The following MEIS3 variants were observed in gnomAD, a reference collection of about 807,000 sequenced individuals.
MEIS3 encodes homeobox protein Meis3.
In MEIS3, 38 loss-of-function variants were observed where a neutral mutation model predicts 51.4. The ratio of observed to expected loss-of-function variants is 0.74; its 90% CI spans 0.57 to 0.97. The LOEUF (loss-of-function observed/expected upper bound fraction) is 0.97. Among genes scored for constraint, MEIS3 ranks in the 50% least tolerant of loss-of-function variants. The pLI is 0.00. For missense variants in MEIS3, 456 were observed against 502.6 expected (o/e 0.91, Z 0.89); for synonymous variants, 198 against 201.8 (o/e 0.98, Z 0.16).
chr19:47,420,951 CTCT>C (rs1202365600), upstream of MEIS3, among the ~76,000 whole-genome samples: 100 of 127,238 alleles, frequency 7.9e-4, no homozygotes, highest in Non-Finnish European at 1.4e-3. Context: ...CTCTCTCTCT[CTCT>C]CTCTCTCTCT....
chr19:47,406,936 TG>T lies in MEIS3; in HGVS notation c.1029del (p.Ile344SerfsTer21). On this transcript the variant is annotated frameshift_variant, in exon 11 of 13. Coordinates refer to ENST00000558555, the MANE Select transcript of MEIS3 (RefSeq NM_001301059.2). LOFTEE classifies it high-confidence loss of function. ...GGCTGCGTCTCGGTATAGCCCCCGA[TG>T]GGCTGGCCCTCTGGGCTGAAGGCTG... is the stretch of plus-strand genomic sequence containing the variant. ...QGAAFSPEGQPIGGYTETQPH... is the reference protein window; with the variant it reads ...QGAAFSPEGQXIGGYTETQPH... The T allele has an allele frequency of 6.3e-7, 1 of 1,579,354 alleles. No individual in the cohort carries two copies. Among genetic ancestry groups the T allele is most frequent in the South Asian group, 1.2e-5 (1 of 86,392 alleles).
In MEIS3 at chr19:47,417,276, G is replaced by C; in HGVS notation, c.87C>G (p.Pro29=). 1 of 1,613,354 alleles carries C rather than the reference G, an allele frequency of 6.2e-7. No homozygotes were observed. Among genetic ancestry groups the C allele is most frequent in the South Asian group, 1.1e-5 (1 of 90,966 alleles). ...AALASFPETV[P]AVPGPYGPHR... is the part of the protein sequence containing the mutation. Reference sequence around the variant, plus strand: ...GCGGGCCATAGGGCCCTGGTACTGCGGGCACTGTCTCTGGGAAGCTAGCCA... The same window carrying C: ...GCGGGCCATAGGGCCCTGGTACTGCCGGCACTGTCTCTGGGAAGCTAGCCA... Residue 29 remains proline, a synonymous_variant, in exon 2 of 13, where the codon CCC becomes CCG. Transcript: ENST00000558555.
upstream of MEIS3, among the ~76,000 whole-genome samples, chr19:47,420,940 A>T (rs28429383): frequency 0.054 from 4,880 of 90,582 alleles, 298 homozygotes; most frequent in African/African-American, 0.17. Flanking sequence ...ACACACACAC[A>T]CTCTCTCTCT....
intron 6 of MEIS3, 74 bp downstream of exon 6, chr19:47,414,643 C>T (rs1292649651): frequency 2.0e-6 from 3 of 1,505,082 alleles, no homozygotes; most frequent in Non-Finnish European, 2.7e-6. Context: ...CTGTGTAGTG[C>T]ACATGCGCCC....
Position 47,407,426 on chromosome 19 carries a change from G to A in MEIS3, c.861C>T (p.His287=). 1 of 1,613,854 alleles carries A rather than the reference G, an allele frequency of 6.2e-7. No individual in the cohort carries two copies. Among genetic ancestry groups the A allele is most frequent in the Non-Finnish European group, 8.5e-7 (1 of 1,179,902 alleles). Reference sequence around the variant, plus strand: ...TCTTCTGCTCCTCCGAGGGGTACGGGTGCTGCAGCCACCAGCAAGAGTCAC... The same window carrying A: ...TCTTCTGCTCCTCCGAGGGGTACGGATGCTGCAGCCACCAGCAAGAGTCAC... ...MRAWLFQHLS[H]PYPSEEQKKQ... Residue 287 remains histidine (H), a splice_region_variant and synonymous_variant, in exon 9 of 13, where the codon CAC becomes CAT. Coordinates refer to ENST00000558555, the MANE Select transcript of MEIS3 (RefSeq NM_001301059.2).
At chr19:47,409,330 A>T in intron 7 of MEIS3, 83 bp from the exon 8 acceptor site, 1 of 1,576,904 alleles carries the variant, frequency 6.3e-7, no homozygotes, top group Non-Finnish European at 8.7e-7. Context: ...CCAAGACAAC[A>T]CTCCACACCC....
intron 5 of MEIS3, 24 bp from the exon 6 acceptor site, chr19:47,414,890 G>A: frequency 6.3e-7 from 1 of 1,579,244 alleles, no homozygotes; most frequent in Non-Finnish European, 8.7e-7. Context: ...GGGGTACTGG[G>A]GGGGGCCACC....
rs1419058165 is a variant in MEIS3 at position 47,419,074 on chromosome 19, C to T, written c.8G>A (p.Arg3Gln). 8 of 1,246,244 alleles carry T rather than the reference C, an allele frequency of 6.4e-6. No homozygotes were observed. The highest frequency in any genetic ancestry group is 2.7e-4 in the Middle Eastern group (1 of 3,710). The allele number at this position is 1,246,244 out of a possible 1,614,324, so 77.2% of individuals were successfully genotyped here. A position where few individuals can be genotyped will look rare whatever the true frequency, so the allele number is the denominator to read the frequency against. ...GGTCCCCGCCCCGAGACCTACCCTC[C>T]GGGCCATGGGCTGAGGCCGGCGGCA... MA[R>Q]RYDELPHYPG... The change falls in exon 1 of 13, where the codon CGG becomes CAG. Residue 3 changes from arginine to glutamine, a missense_variant. Coordinates refer to ENST00000558555, the MANE Select transcript of MEIS3 (RefSeq NM_001301059.2).
chr19:47,420,940 A>ACACACACTCTCTCTCTCTCTCTCT (rs1187725467), upstream of MEIS3, among the ~76,000 whole-genome samples: 1 of 91,000 alleles, frequency 1.1e-5, no homozygotes, highest in Non-Finnish European at 2.1e-5. Context: ...ACACACACAC[A>ACACACACTCTCTCTCTCTCTCTCT]CTCTCTCTCT....
intron 3 of MEIS3, 29 bp downstream of exon 3, chr19:47,416,775 T>C (rs763545220): frequency 6.2e-7 from 1 of 1,612,726 alleles, no homozygotes; most frequent in South Asian, 1.1e-5. Flanking sequence ...GCTCTCTGAC[T>C]CGGTGTGTGG....
At chr19:47,412,277 G>A (rs566956136) in intron 6 of MEIS3, 5 of 152,182 alleles carry the variant, frequency 3.3e-5, no homozygotes, top group Non-Finnish European at 7.3e-5. Context: ...TCAGTTTAAC[G>A]TTGGGTTAAA....
chr19:47,413,971 A>G (rs12459410), intron 6 of MEIS3, among the ~76,000 whole-genome samples: 44,978 of 150,876 alleles, frequency 0.3, 6,718 homozygotes, highest in Middle Eastern at 0.41. Flanking sequence ...TCCTGACCTC[A>G]TGATCCACCC....
rs1406348987 is a variant in MEIS3, at chr19:47,419,131, G to C, written c.-50C>G. On this transcript the variant is annotated 5_prime_UTR_variant, in exon 1 of 13. Coordinates refer to ENST00000558555, the MANE Select transcript of MEIS3 (RefSeq NM_001301059.2). ...GGGTCCCTCCAGAGCCTGGCCGCGG[G>C]GGAGGGCGCAGCCCGGGGCCGCAGC... is the stretch of plus-strand genomic sequence containing the variant. 5 of 1,225,282 alleles carry C rather than the reference G, an allele frequency of 4.1e-6. No homozygotes were observed. The highest frequency in any genetic ancestry group is 5.1e-6 in the Non-Finnish European group (5 of 982,510). The allele number at this position is 1,225,282 out of a possible 1,614,324, so 75.9% of individuals were successfully genotyped here. A position where few individuals can be genotyped will look rare whatever the true frequency, so the allele number is the denominator to read the frequency against.
chr19:47,406,782 G>GT, intron 11 of MEIS3, 106 bp downstream of exon 11: 1 of 1,099,666 alleles, frequency 9.1e-7, no homozygotes, highest in South Asian at 1.6e-5. Flanking sequence ...CACTAGGCAA[G>GT]TGACACACTG....
chr19:47,409,252 G>C lies in MEIS3; in HGVS notation c.710-5C>G. ...CGCTGGTGTCCAGCCCGTCTCCTGA[G>C]GGAAGGCAGGCATGCTGTGTGTGTG... On this transcript the variant is annotated splice_region_variant and splice_polypyrimidine_tract_variant and intron_variant, in intron 7 of 12. Transcript: ENST00000558555. The C allele has an allele frequency of 6.2e-7, 1 of 1,606,866 alleles. No individual in the cohort carries two copies.
chr19:47,415,003 T>C, intron 5 of MEIS3, 48 bp downstream of exon 5: 1 of 699,958 alleles, frequency 1.4e-6, no homozygotes, highest in Non-Finnish European at 1.9e-6. Context: ...CGAGAGGGGG[T>C]GGGATGACAG....
intron 8 of MEIS3, among the ~76,000 whole-genome samples, chr19:47,408,666 C>A (rs1325192335): frequency 2.6e-5 from 4 of 152,190 alleles, no homozygotes; most frequent in Middle Eastern, 3.4e-3. Context: ...TCTCCTCTGT[C>A]CTTGAAGCAG....
chr19:47,409,876 A>AAC (rs1555740777), intron 6 of MEIS3, among the ~76,000 whole-genome samples: 10 of 151,232 alleles, frequency 6.6e-5, no homozygotes, highest in Non-Finnish European at 1.3e-4. Context: ...AAAAAAAAAA[A>AAC]AGTTAGTGCC....
intron 12 of MEIS3, among the ~76,000 whole-genome samples, chr19:47,404,700 C>T (rs999033649): frequency 3.9e-5 from 6 of 152,168 alleles, no homozygotes; most frequent in Admixed American, 2.6e-4. Context: ...TCAGATGCCC[C>T]CTCCTCCAGG....
Sources: gnomAD v4.1 joint callset for allele counts (sites outside exome capture counted in the v4.1 genomes callset) on GRCh38, gnomAD v4.1.1 for gene constraint, MANE v1.5 for transcripts, NCBI Gene and HGNC (gene_info 2026-07-23, HGNC 2026-07-21) for gene names.